The following FBN2 variants were observed in gnomAD, a reference collection of about 807,000 sequenced individuals.
FBN2 encodes the protein fibrillin-2.
In FBN2, 105 loss-of-function variants were observed where a neutral mutation model predicts 355.6. The observed-to-expected ratio is 0.30, with a 90% CI of 0.25 to 0.35. The LOEUF is 0.35. Ranked by LOEUF, FBN2 falls within the 10% of genes least tolerant of loss-of-function variation. FBN2 has a pLI of 1.00. For missense variants in FBN2, 3,280 were observed against 3,758.7 expected (o/e 0.87, Z 3.33); for synonymous variants, 1,350 against 1,301.2 (o/e 1.04, Z -0.81).
intron 42 of FBN2, among the ~76,000 whole-genome samples, chr5:128,306,579 G>A (rs577271691): frequency 3.5e-4 from 53 of 151,910 alleles, no homozygotes; most frequent in African/African-American, 1.2e-3. Flanking sequence ...CTGAGATCGC[G>A]CCATTGCACT....
intron 34 of FBN2, among the ~76,000 whole-genome samples, chr5:128,327,424 T>G (rs532659536): frequency 6.6e-6 from 1 of 152,258 alleles, no homozygotes; most frequent in Non-Finnish European, 1.5e-5. Context: ...TTTGTTTGGT[T>G]GATGCTGATG....
chr5:128,364,572 T>G, intron 18 of FBN2, 28 bp downstream of exon 18: 2 of 1,604,964 alleles, frequency 1.2e-6, no homozygotes, highest in South Asian at 2.2e-5. Flanking sequence ...TATGAAATGT[T>G]CTTGCATAAA....
chr5:128,344,610 A>G, intron 24 of FBN2, 100 bp from the exon 25 acceptor site: 1 of 1,105,248 alleles, frequency 9.0e-7, no homozygotes. Context: ...ACAGTAATGC[A>G]TCCAAGTAAA....
At chr5:128,298,509 C>G (rs1034322761) in intron 48 of FBN2, among the ~76,000 whole-genome samples, 5 of 151,940 alleles carry the variant, frequency 3.3e-5, no homozygotes, top group African/African-American at 1.2e-4. Context: ...CACATAGTCC[C>G]ATATTTCTTG....
chr5:128,469,817 T>C (rs556455792), intron 5 of FBN2, among the ~76,000 whole-genome samples: 1 of 152,316 alleles, frequency 6.6e-6, no homozygotes, highest in African/African-American at 2.4e-5. Flanking sequence ...GGATGGCTGA[T>C]GGTGTCATTT....
intron 18 of FBN2, among the ~76,000 whole-genome samples, chr5:128,363,640 T>C (rs897829472): frequency 6.6e-6 from 1 of 152,132 alleles, no homozygotes; most frequent in African/African-American, 2.4e-5. Context: ...TATAATGAGG[T>C]TGTTAGGGTA....
chr5:128,460,758 A>G (rs1314660785), intron 6 of FBN2, among the ~76,000 whole-genome samples: 5 of 152,224 alleles, frequency 3.3e-5, no homozygotes, highest in African/African-American at 1.2e-4. Context: ...GCAATGGGGA[A>G]AGGATCTCCT....
intron 18 of FBN2, among the ~76,000 whole-genome samples, chr5:128,362,582 T>C (rs1490647231): frequency 6.6e-6 from 1 of 152,222 alleles, no homozygotes; most frequent in Non-Finnish European, 1.5e-5. Context: ...TGCCACAGCC[T>C]TCCAAAAGTA....
intron 25 of FBN2, among the ~76,000 whole-genome samples, chr5:128,343,014 C>T (rs1451184121): frequency 2.0e-5 from 3 of 152,100 alleles, no homozygotes; most frequent in Non-Finnish European, 4.4e-5. Context: ...AGGCATGAGC[C>T]ACCATGCCCA....
At position 128,366,117 on chromosome 5, in the gene FBN2, A is replaced by C. The variant is rs1428632; in HGVS notation, c.2302+260T>G. On this transcript the variant is annotated intron_variant, in intron 17 of 64. Transcript: ENST00000262464. ...TTATTCTTTTCTTAAGCAATGACTG[A>C]CTGAAATCAGGAGAGTAGTTTGTTA... Among the ~76,000 whole-genome samples, 90,457 of 151,710 alleles carry C rather than the reference A, an allele frequency of 0.6. 29,649 individuals are homozygous for C. The highest frequency in any genetic ancestry group is 0.81 in the Middle Eastern group (237 of 294).
chr5:128,438,398 T>C (rs1306068871), intron 7 of FBN2, among the ~76,000 whole-genome samples: 1 of 152,368 alleles, frequency 6.6e-6, no homozygotes, highest in South Asian at 2.1e-4. Context: ...TTACTTTTAC[T>C]TCAAGTCACT....
At position 128,310,143 on chromosome 5, in the gene FBN2, T is replaced by C. The variant is rs1231279879; in HGVS notation, c.5075-35A>G. 3 of 1,546,366 alleles carry C rather than the reference T, an allele frequency of 1.9e-6. No homozygotes were observed. In the African/African-American group the frequency reaches 4.1e-5, roughly 21 times the overall value. ...GCAAGAATATCTATTAATTAATAAA[T>C]CTATTTTTTCAATGAATTTATATTA... On this transcript the variant is annotated intron_variant, in intron 39 of 64. Coordinates refer to ENST00000262464, the MANE Select transcript of FBN2 (RefSeq NM_001999.4).
At chr5:128,464,385 T>C (rs1754642405) in intron 6 of FBN2, among the ~76,000 whole-genome samples, 1 of 152,180 alleles carries the variant, frequency 6.6e-6, no homozygotes. Flanking sequence ...AAAATAGGTT[T>C]TTCCTGGGTA....
chr5:128,461,710 A>G (rs1754562692), intron 6 of FBN2, among the ~76,000 whole-genome samples: 1 of 152,204 alleles, frequency 6.6e-6, no homozygotes, highest in African/African-American at 2.4e-5. Flanking sequence ...TGGGACATGT[A>G]TGAAGCTGGA....
intron 62 of FBN2, 67 bp downstream of exon 62, chr5:128,271,932 T>A: frequency 6.3e-7 from 1 of 1,588,846 alleles, no homozygotes; most frequent in Non-Finnish European, 8.6e-7. Context: ...CCTCACAATT[T>A]GTTCATCTTA....
intron 17 of FBN2, 77 bp from the exon 18 acceptor site, chr5:128,364,802 C>G: frequency 2.4e-6 from 3 of 1,248,184 alleles, no homozygotes; most frequent in African/African-American, 1.5e-5. Flanking sequence ...CTAGTAAAGA[C>G]CATTCAACAT....
intron 7 of FBN2, among the ~76,000 whole-genome samples, chr5:128,422,534 A>G (rs2127018260): frequency 6.6e-6 from 1 of 152,316 alleles, no homozygotes; most frequent in East Asian, 1.9e-4. Context: ...GTCAGGAAAG[A>G]GAAGAGATCC....
chr5:128,475,012 G>T lies in FBN2; in HGVS notation c.629-10091C>A, dbSNP rs558645704. Among the ~76,000 whole-genome samples the T allele has an allele frequency of 2.0e-5, 3 of 152,304 alleles. No individual in the cohort carries two copies. The East Asian group carries it at 5.8e-4, about 29-fold the overall frequency. On this transcript the variant is annotated intron_variant, in intron 5 of 64. Coordinates refer to ENST00000262464, the MANE Select transcript of FBN2 (RefSeq NM_001999.4). ...GGAAGCTCTTTCCCAGTTATTTGCT[G>T]CATGAAGAACAGTGATAATCAAGTG...
intron 55 of FBN2, among the ~76,000 whole-genome samples, chr5:128,283,110 T>C (rs1253594855): frequency 3.3e-5 from 5 of 152,222 alleles, no homozygotes; most frequent in Non-Finnish European, 4.4e-5. Context: ...ATCTTTGTTT[T>C]TTCTCCAAGG....
Sources: gnomAD v4.1 joint callset for allele counts (sites outside exome capture counted in the v4.1 genomes callset) on GRCh38, gnomAD v4.1.1 for gene constraint, MANE v1.5 for transcripts, NCBI Gene and HGNC (gene_info 2026-07-23, HGNC 2026-07-21) for gene names.